ARF4: variants seen among roughly 807,000 people sequenced by gnomAD.
ARF4 encodes ARF GTPase 4, also known as ADP-ribosylation factor 4.
Under a neutral mutation model 24.3 loss-of-function variants are expected in ARF4, and 5 were observed. The observed-to-expected ratio is 0.21, with a 90% CI of 0.11 to 0.43. The LOEUF (loss-of-function observed/expected upper bound fraction) is 0.43, where lower values mean the gene tolerates loss of function less well. Ranked by LOEUF, ARF4 falls within the 20% of genes least tolerant of loss-of-function variation. The pLI is 1.00. For synonymous variants in ARF4, 62 were observed against 73.5 expected (o/e 0.84, Z 0.80); for missense variants, 107 against 213.0 (o/e 0.50, Z 3.10).
intron 1 of ARF4, among the ~76,000 whole-genome samples, chr3:57,585,238 T>C (rs985618446): frequency 6.6e-6 from 1 of 152,192 alleles, no homozygotes; most frequent in East Asian, 1.9e-4. Context: ...TTCTTAAGAT[T>C]TGTAAAAATA....
intron 1 of ARF4, among the ~76,000 whole-genome samples, chr3:57,592,733 T>C (rs1462358661): frequency 6.6e-6 from 1 of 152,208 alleles, no homozygotes; most frequent in Non-Finnish European, 1.5e-5. Flanking sequence ...AACAGGATTT[T>C]TGCCTTTTCT....
At chr3:57,581,775 G>A (rs2069974966) in intron 3 of ARF4, among the ~76,000 whole-genome samples, 2 of 152,120 alleles carry the variant, frequency 1.3e-5, no homozygotes, top group African/African-American at 4.8e-5. Flanking sequence ...CTGGGTGACA[G>A]GACGAGAACT....
At chr3:57,591,436 T>A (rs2070115168) in intron 1 of ARF4, among the ~76,000 whole-genome samples, 1 of 151,578 alleles carries the variant, frequency 6.6e-6, no homozygotes, top group Non-Finnish European at 1.5e-5. Context: ...ATATACGCTA[T>A]AATATGAATG....
At position 57,584,466 on chromosome 3, in the gene ARF4, TAGA is replaced by T. The variant is rs749700809; in HGVS notation, c.68-5_68-3del. On this transcript the variant is annotated splice_polypyrimidine_tract_variant and splice_region_variant and intron_variant, in intron 1 of 5. Coordinates refer to ENST00000303436, the MANE Select transcript of ARF4 (RefSeq NM_001660.4). ...TCTTGCCAGCAGCATCCAATCCAAC[TAGA>T]AGAAGACATTATAGATTTAAAATCC... 5.6e-6 allele frequency: 9 copies of T among 1,611,122 alleles called. No individual in the cohort carries two copies. Among genetic ancestry groups the T allele is most frequent in the Middle Eastern group, 1.7e-4 (1 of 6,054 alleles).
rs559736513 is a variant in ARF4, at chr3:57,571,729, G to A, written c.*483C>T. On this transcript the variant is annotated 3_prime_UTR_variant, in exon 6 of 6. Transcript: ENST00000303436. ...AAAATTTCCTCAGTGCAAGAGAGCTGAGTAGTGTTTTGGATCTTTCTCTGG... is the reference window on the plus strand; with the variant it reads ...AAAATTTCCTCAGTGCAAGAGAGCTAAGTAGTGTTTTGGATCTTTCTCTGG... The A allele has an allele frequency of 1.3e-5, 2 of 157,690 alleles. No individual in the cohort carries two copies. The highest frequency in any genetic ancestry group is 1.9e-4 in the East Asian group (1 of 5,394). The allele number at this position is 157,690 out of a possible 1,614,324, so 9.8% of individuals were successfully genotyped here.
At chr3:57,577,203 G>GC (rs993499065) in intron 4 of ARF4, 113 bp downstream of exon 4, 26 of 828,294 alleles carry the variant, frequency 3.1e-5, no homozygotes, top group South Asian at 4.9e-5. Context: ...TTTATTTCTA[G>GC]CCCCCCCAAT....
At chr3:57,589,545 C>T (rs914247995) in intron 1 of ARF4, among the ~76,000 whole-genome samples, 4 of 151,540 alleles carry the variant, frequency 2.6e-5, no homozygotes, top group African/African-American at 9.7e-5. Context: ...TGGTGAAACC[C>T]AGTCTCTACT....
chr3:57,575,253 T>C (rs1467330121), intron 5 of ARF4, among the ~76,000 whole-genome samples: 1 of 150,744 alleles, frequency 6.6e-6, no homozygotes, highest in Non-Finnish European at 1.5e-5. Context: ...AGATACAAAA[T>C]TAAAATTAAG....
chr3:57,593,705 A>G (rs142194016), intron 1 of ARF4, among the ~76,000 whole-genome samples: 50 of 152,324 alleles, frequency 3.3e-4, no homozygotes, highest in African/African-American at 1.1e-3. Context: ...ACAACATTAC[A>G]TCTTATCATG....
chr3:57,581,539 G>C lies in ARF4; in HGVS notation c.258+2359C>G, dbSNP rs886103777. On this transcript the variant is annotated intron_variant, in intron 3 of 5. Transcript: ENST00000303436. ...ATATTGGCCAAGCGCAGTAGCTCAT[G>C]CCTGTAATCCCAGCACTTTGGGAAG... Among the ~76,000 whole-genome samples, 14 of 152,326 alleles carry C rather than the reference G, an allele frequency of 9.2e-5. No individual in the cohort carries two copies. The East Asian group carries it at 2.3e-3, about 25-fold the overall frequency.
At chr3:57,596,860 G>A (rs2070194618) in intron 1 of ARF4, 1 of 559,100 alleles carries the variant, frequency 1.8e-6, no homozygotes, top group East Asian at 3.1e-5. Flanking sequence ...CTTGCCCGAA[G>A]CCCTGTCCCT....
intron 1 of ARF4, among the ~76,000 whole-genome samples, chr3:57,591,816 G>A (rs1167492733): frequency 1.3e-5 from 2 of 152,162 alleles, no homozygotes; most frequent in Admixed American, 6.6e-5. Flanking sequence ...GCCAGACAAA[G>A]AGGCCATAAA....
chr3:57,584,879 G>A lies in ARF4; in HGVS notation c.68-415C>T, dbSNP rs556384101. Among the ~76,000 whole-genome samples, 125 of 151,974 alleles carry A rather than the reference G, an allele frequency of 8.2e-4. 1 individual carries two copies. Among genetic ancestry groups the A allele is most frequent in the African/African-American group, 2.7e-3 (113 of 41,480 alleles). On this transcript the variant is annotated intron_variant, in intron 1 of 5. Transcript: ENST00000303436. ...TTGGGGGGTGGAGGGGCAGGGGAGC[G>A]GGGGGACGTATTCTCGCTCTGTTGT... is the stretch of plus-strand genomic sequence containing the variant.
chr3:57,592,052 G>T lies in ARF4; in HGVS notation c.67+5022C>A, dbSNP rs556446321. Among the ~76,000 whole-genome samples the T allele has an allele frequency of 7.9e-5, 12 of 152,116 alleles. No individual in the cohort carries two copies. The East Asian group carries it at 2.3e-3, about 29-fold the overall frequency. ...ACACTTTAACAGGGTAAACTTTATGGTCTATGTATTATATCTTGATTTTTT... is the reference window on the plus strand; with the variant it reads ...ACACTTTAACAGGGTAAACTTTATGTTCTATGTATTATATCTTGATTTTTT... On this transcript the variant is annotated intron_variant, in intron 1 of 5. Coordinates refer to ENST00000303436, the MANE Select transcript of ARF4 (RefSeq NM_001660.4).
chr3:57,588,870 A>C (rs991754764), intron 1 of ARF4, among the ~76,000 whole-genome samples: 2 of 152,156 alleles, frequency 1.3e-5, no homozygotes, highest in Non-Finnish European at 2.9e-5. Flanking sequence ...TGGGAAGCCA[A>C]GGCAGGTGGA....
rs567444509 is a variant in ARF4 at position 57,572,899 on chromosome 3, T to C, written c.457-601A>G. On this transcript the variant is annotated intron_variant, in intron 5 of 5. Coordinates refer to ENST00000303436, the MANE Select transcript of ARF4 (RefSeq NM_001660.4). ...AAACTCAAAGTAGAAGAGGCAAATT[T>C]TTGAAAGAGTAGGGTTTGTTAGGCC... is the stretch of plus-strand genomic sequence containing the variant. Among the ~76,000 whole-genome samples the C allele has an allele frequency of 4.6e-5, 7 of 152,092 alleles. No homozygotes were observed. In the South Asian group the frequency reaches 1.5e-3, roughly 32 times the overall value.
rs2070182843 is a variant in ARF4, at chr3:57,596,381, C to A, written c.67+693G>T. On this transcript the variant is annotated intron_variant, in intron 1 of 5. Transcript: ENST00000303436. Reference sequence around the variant, plus strand: ...AGCTTAAAAACCTAGGAGAATAAACCAAACACATTTAAAGTTTTTGAAAAT... The same window carrying A: ...AGCTTAAAAACCTAGGAGAATAAACAAAACACATTTAAAGTTTTTGAAAAT... Among the ~76,000 whole-genome samples, 3 of 152,072 alleles carry A rather than the reference C, an allele frequency of 2.0e-5. No individual in the cohort carries two copies. The South Asian group carries it at 6.2e-4, about 31-fold the overall frequency.
intron 1 of ARF4, among the ~76,000 whole-genome samples, chr3:57,593,546 GATATCAGCAAACTTTTTAAAAGTAAC>G (rs1240756864): frequency 6.6e-6 from 1 of 152,164 alleles, no homozygotes; most frequent in Non-Finnish European, 1.5e-5. Context: ...ACACTACACT[GATATCAGCAAACTTTTTAAAAGTAAC>G]ACTTTTTCAG....
rs201808484 is a variant in ARF4 at position 57,572,202 on chromosome 3, C to G, written c.*10G>C. 4 of 1,608,296 alleles carry G rather than the reference C, an allele frequency of 2.5e-6. No individual in the cohort carries two copies. Among genetic ancestry groups the G allele is most frequent in the Admixed American group, 1.7e-5 (1 of 59,978 alleles). On this transcript the variant is annotated 3_prime_UTR_variant, in exon 6 of 6. Transcript: ENST00000303436. ...ATCAAACATGTCCTTGGTTAGATATCCAATTTCATTTAACGTTTTGAAAGC... is the reference window on the plus strand; with the variant it reads ...ATCAAACATGTCCTTGGTTAGATATGCAATTTCATTTAACGTTTTGAAAGC...
Sources: allele counts gnomAD v4.1 joint callset (sites outside exome capture counted in the v4.1 genomes callset), GRCh38; gene constraint gnomAD v4.1.1; transcripts MANE v1.5; gene names NCBI Gene and HGNC (gene_info 2026-07-23, HGNC 2026-07-21).